The following ZNF236 variants were observed in gnomAD, a reference collection of about 807,000 sequenced individuals.
ZNF236 encodes the protein zinc finger protein 236.
ZNF236 carries 50 observed loss-of-function variants against 191.2 expected under a neutral mutation model. The observed-to-expected ratio is 0.26, with a 90% CI of 0.21 to 0.33. ZNF236 has a LOEUF of 0.33. Among genes scored for constraint, ZNF236 ranks in the 10% least tolerant of loss-of-function variants. ZNF236 has a pLI of 1.00. For missense variants in ZNF236, 1,754 were observed against 2,374.5 expected, an observed-to-expected ratio of 0.74 and a Z score of 5.43; for synonymous variants, 907 against 928.8, an observed-to-expected ratio of 0.98 and a Z score of 0.43.
intron 27 of ZNF236, among the ~76,000 whole-genome samples, chr18:76,948,810 C>A (rs1015943861): frequency 2.0e-5 from 3 of 152,208 alleles, no homozygotes; most frequent in Admixed American, 6.5e-5. Flanking sequence ...GGTCTCCAGG[C>A]CCCTGCCCCT....
At chr18:76,956,264 A>T in intron 28 of ZNF236, 82 bp downstream of exon 28, 1 of 1,482,212 alleles carries the variant, frequency 6.7e-7, no homozygotes, top group South Asian at 1.2e-5. Flanking sequence ...ACTGGCCGGG[A>T]ATCTGGCATG....
intron 1 of ZNF236, among the ~76,000 whole-genome samples, chr18:76,844,060 C>T (rs956353454): frequency 2.0e-5 from 3 of 151,354 alleles, no homozygotes; most frequent in Non-Finnish European, 4.4e-5. Context: ...ACCAATGTGG[C>T]GAAACCCTGT....
intron 17 of ZNF236, 33 bp downstream of exon 17, chr18:76,912,380 G>C: frequency 6.5e-7 from 1 of 1,545,210 alleles, no homozygotes; most frequent in Admixed American, 1.7e-5. Context: ...TCATGGTATT[G>C]CCGGCTCCCA....
chr18:76,951,305 C>T (rs967191092), intron 27 of ZNF236, among the ~76,000 whole-genome samples: 2 of 152,220 alleles, frequency 1.3e-5, no homozygotes, highest in African/African-American at 4.8e-5. Context: ...TAAAGCTGTT[C>T]TGTTTACACT....
intron 13 of ZNF236, among the ~76,000 whole-genome samples, chr18:76,906,838 G>A (rs926647221): frequency 6.6e-6 from 1 of 152,184 alleles, no homozygotes; most frequent in Non-Finnish European, 1.5e-5. Flanking sequence ...TGTGCACTTG[G>A]AATCTGCCTA....
rs527302110 is a variant in ZNF236, at chr18:76,960,302, TG to T, written c.5243-376del. The stretch of plus-strand genomic sequence containing the variant: ...CAAAGAAACAAGCTCTTCCATCTTC[TG>T]CCTCTTGACTGTACATGATAGCTCG... On this transcript the variant is annotated intron_variant, in intron 29 of 30. Coordinates refer to ENST00000320610, the MANE Select transcript of ZNF236 (RefSeq NM_001306089.2). This position sits in a 1 kb window ranked among gnomAD's most constrained non-coding sequence, Gnocchi z 4.4. 4.9e-4 allele frequency among the ~76,000 whole-genome samples: 74 copies of T among 152,378 alleles called. No individual in the cohort carries two copies. The highest frequency in any genetic ancestry group is 7.9e-4 in the Non-Finnish European group (54 of 68,030).
chr18:76,872,138 C>T (rs1599351734), intron 5 of ZNF236, among the ~76,000 whole-genome samples: 1 of 152,128 alleles, frequency 6.6e-6, no homozygotes, highest in Non-Finnish European at 1.5e-5. Context: ...TATTTATTCC[C>T]TCATTTGTTG....
chr18:76,898,747 T>TA, intron 10 of ZNF236, among the ~76,000 whole-genome samples: 1 of 152,370 alleles, frequency 6.6e-6, no homozygotes, highest in Middle Eastern at 3.4e-3. Context: ...TCTGAAGAAC[T>TA]ACTGTCCATA....
At chr18:76,823,586 C>T (rs1255841937) in intron 1 of ZNF236, among the ~76,000 whole-genome samples, 1 of 152,204 alleles carries the variant, frequency 6.6e-6, no homozygotes, top group Non-Finnish European at 1.5e-5. Flanking sequence ...ATTTATTCTC[C>T]ATGGTACTTT....
chr18:76,917,790 G>A (rs1263856848), intron 19 of ZNF236, among the ~76,000 whole-genome samples: 1 of 152,032 alleles, frequency 6.6e-6, no homozygotes, highest in African/African-American at 2.4e-5. Flanking sequence ...TGGTGGGGCC[G>A]CTATCTATAA....
rs1338581191 is a variant in ZNF236 at position 76,880,287 on chromosome 18, A to C, written c.1159A>C (p.Thr387Pro). 6.2e-7 allele frequency: 1 copy of C among 1,613,544 alleles called. No homozygotes were observed. Reference protein sequence around the residue: ...SPQPGQQLSITVGINQDILQQ... With the variant: ...SPQPGQQLSIPVGINQDILQQ... ...GCAGCCTGGGCAGCAGCTGAGCATC[A>C]CAGTGGGCATCAACCAGGACATTTT... Residue 387 changes from threonine to proline, a missense_variant, in exon 8 of 31, where the codon ACA becomes CCA. This residue lies in a region of ZNF236 where 336 missense variants were observed against 495.1 expected (regional missense o/e 0.68). Coordinates refer to ENST00000320610, the MANE Select transcript of ZNF236 (RefSeq NM_001306089.2). This position sits in a 1 kb window ranked among gnomAD's most constrained non-coding sequence, Gnocchi z 5.0.
Position 76,880,212 on chromosome 18 carries a change from C to A in ZNF236, c.1084C>A (p.Gln362Lys), listed in dbSNP as rs200963052. The A allele has an allele frequency of 5.9e-4, 951 of 1,614,158 alleles. 4 individuals are homozygous for A. In the African/African-American group the frequency reaches 0.012, roughly 20 times the overall value. Residue 362 changes from glutamine (Q) to lysine (K), a missense_variant, in exon 8 of 31, where the codon CAG becomes AAG. Transcript: ENST00000320610. The surrounding 1 kb of genome is among the most constrained non-coding windows in gnomAD (Gnocchi z 5.0). ...SSQAVSDVIQQLLELSEPAPV... is the reference protein window; with the variant it reads ...SSQAVSDVIQKLLELSEPAPV... ...CCAGGCGGTGAGCGACGTCATCCAGCAGCTCCTGGAGCTCTCAGAGCCGGC... is the reference window on the plus strand; with the variant it reads ...CCAGGCGGTGAGCGACGTCATCCAGAAGCTCCTGGAGCTCTCAGAGCCGGC...
At chr18:76,879,502 G>A (rs1048426174) in intron 7 of ZNF236, among the ~76,000 whole-genome samples, 1 of 152,174 alleles carries the variant, frequency 6.6e-6, no homozygotes, top group African/African-American at 2.4e-5. Context: ...CATTCAACGG[G>A]TTTTGACAAA....
chr18:76,909,691 T>G (rs1388794769), intron 14 of ZNF236, among the ~76,000 whole-genome samples: 1 of 152,200 alleles, frequency 6.6e-6, no homozygotes, highest in Non-Finnish European at 1.5e-5. Context: ...GCTGACCAGT[T>G]TACTGTTTTG....
In ZNF236 at chr18:76,959,871, G is replaced by A. The variant is rs7234467; in HGVS notation, c.5242+55G>A. The A allele has an allele frequency of 5.6e-3, 8,850 of 1,574,798 alleles. 396 individuals are homozygous for A. The African/African-American group carries it at 0.1, about 18-fold the overall frequency. On this transcript the variant is annotated intron_variant, in intron 29 of 30. Transcript: ENST00000320610. ...TTACTCTTTGAAGTAGACATCATGG[G>A]TGAGAAAACATAATTCCACCTGTGC...
In ZNF236 at chr18:76,880,331, C is replaced by T; in HGVS notation, c.1188+15C>T. On this transcript the variant is annotated intron_variant, in intron 8 of 30. Coordinates refer to ENST00000320610, the MANE Select transcript of ZNF236 (RefSeq NM_001306089.2). This position sits in a 1 kb window ranked among gnomAD's most constrained non-coding sequence, Gnocchi z 5.0. ...ACATTTTACAGGTGAAGCACGCTTCCCTGCGGTGTGAGGCTTACGTGCTCG... is the reference window on the plus strand; with the variant it reads ...ACATTTTACAGGTGAAGCACGCTTCTCTGCGGTGTGAGGCTTACGTGCTCG... 1 of 1,601,104 alleles carries T rather than the reference C, an allele frequency of 6.2e-7. No individual in the cohort carries two copies. The highest frequency in any genetic ancestry group is 1.1e-5 in the South Asian group (1 of 90,304).
chr18:76,897,257 C>T (rs1010234263), intron 10 of ZNF236, among the ~76,000 whole-genome samples: 7 of 151,248 alleles, frequency 4.6e-5, no homozygotes, highest in Admixed American at 2.0e-4. Context: ...ACTGGTACCT[C>T]ATATAGTACC....
chr18:76,944,912 A>T lies in ZNF236; in HGVS notation c.4783-2609A>T, dbSNP rs1002751732. Among the ~76,000 whole-genome samples the T allele has an allele frequency of 4.6e-5, 7 of 152,322 alleles. No individual in the cohort carries two copies. The South Asian group carries it at 1.4e-3, about 32-fold the overall frequency. The stretch of plus-strand genomic sequence containing the variant: ...AATTGTAGACTCATGGGCAATTTTT[A>T]AAAAATAGTACAGAGAGATTCCACA... On this transcript the variant is annotated intron_variant, in intron 26 of 30. Transcript: ENST00000320610.
intron 10 of ZNF236, among the ~76,000 whole-genome samples, chr18:76,896,297 C>T (rs1298203172): frequency 6.6e-6 from 1 of 151,320 alleles, no homozygotes; most frequent in Non-Finnish European, 1.5e-5. Context: ...CACACAGGTA[C>T]AGCCTGCCGT....
Sources: allele counts gnomAD v4.1 joint callset (sites outside exome capture counted in the v4.1 genomes callset), GRCh38; gene constraint gnomAD v4.1.1; regional missense constraint gnomAD v4.1.1; non-coding constraint Gnocchi (gnomAD v3.1); transcripts MANE v1.5; gene names NCBI Gene and HGNC (gene_info 2026-07-23, HGNC 2026-07-21).